Variants in SAMD5 observed in about 807,000 individuals in gnomAD.
SAMD5 encodes the protein sterile alpha motif domain-containing protein 5.
Under a neutral mutation model 11.3 loss-of-function variants are expected in SAMD5, and 13 were observed. That is an observed-to-expected ratio of 1.15 (90% CI 0.75 to 1.83). The LOEUF (loss-of-function observed/expected upper bound fraction) is 1.83, where lower values mean the gene tolerates loss of function less well. Among genes scored for constraint, SAMD5 ranks in the 40% most tolerant of loss-of-function variants. The pLI is 0.00. For synonymous variants in SAMD5, 129 were observed against 111.3 expected (o/e 1.16, Z -1.00); for missense variants, 255 against 239.1 (o/e 1.07, Z -0.44).
chr6:147,799,387 A>T, the SAMD5 span, among the ~76,000 whole-genome samples: 1 of 151,910 alleles, frequency 6.6e-6, no homozygotes, highest in African/African-American at 2.4e-5. Flanking sequence ...AAAAATGTTG[A>T]ATATTGGCCC....
At chr6:147,945,570 C>T in the SAMD5 span, among the ~76,000 whole-genome samples, 3 of 152,024 alleles carry the variant, frequency 2.0e-5, no homozygotes, top group Non-Finnish European at 4.4e-5. Context: ...GTAGAAAATC[C>T]TTCAGAAAAG....
the SAMD5 span, among the ~76,000 whole-genome samples, chr6:147,867,083 T>G: frequency 6.6e-6 from 1 of 152,118 alleles, no homozygotes; most frequent in Non-Finnish European, 1.5e-5. Context: ...AATCTCTCTA[T>G]CCAGATAAGA....
chr6:147,574,222 G>A (rs115959041), downstream of SAMD5, among the ~76,000 whole-genome samples: 2,079 of 151,768 alleles, frequency 0.014, 39 homozygotes, highest in African/African-American at 0.046. Context: ...AAATTAATAT[G>A]TGCCCAGGTT....
chr6:147,753,409 T>C, the SAMD5 span, among the ~76,000 whole-genome samples: 1 of 152,208 alleles, frequency 6.6e-6, no homozygotes, highest in Non-Finnish European at 1.5e-5. Context: ...TTCTCATTAG[T>C]ACAACATTAA....
the SAMD5 span, among the ~76,000 whole-genome samples, chr6:147,744,055 A>G: frequency 6.6e-6 from 1 of 152,232 alleles, no homozygotes; most frequent in African/African-American, 2.4e-5. Context: ...TAACTAATGT[A>G]TGGAATAGTC....
intron 1 of SAMD5, among the ~76,000 whole-genome samples, chr6:147,687,190 A>G (rs1226358814): frequency 6.6e-6 from 1 of 151,044 alleles, no homozygotes; most frequent in African/African-American, 2.4e-5. Context: ...ATTCATTTAG[A>G]TATATTCTCA....
chr6:147,933,523 T>C, the SAMD5 span, among the ~76,000 whole-genome samples: 1 of 152,164 alleles, frequency 6.6e-6, no homozygotes, highest in Non-Finnish European at 1.5e-5. Context: ...TTCTACTCTT[T>C]CTTTGCTGTA....
intron 1 of SAMD5, among the ~76,000 whole-genome samples, chr6:147,725,209 TG>T (rs1392007087): frequency 6.6e-6 from 1 of 152,120 alleles, no homozygotes; most frequent in African/African-American, 2.4e-5. Context: ...TTTAATCAGT[TG>T]GGGGAGATCT....
intron 1 of SAMD5, among the ~76,000 whole-genome samples, chr6:147,616,315 T>G (rs959428120): frequency 2.0e-5 from 3 of 147,536 alleles, no homozygotes; most frequent in African/African-American, 7.5e-5. Flanking sequence ...ATATATTTAT[T>G]CATATATACT....
intron 1 of SAMD5, among the ~76,000 whole-genome samples, chr6:147,732,688 T>C (rs2128460124): frequency 6.6e-6 from 1 of 152,330 alleles, no homozygotes. Flanking sequence ...ATACTATTTG[T>C]TCAAGGGTAT....
intron 1 of SAMD5, among the ~76,000 whole-genome samples, chr6:147,602,746 AAAACAAAC>A (rs1022847888): frequency 1.4e-5 from 2 of 144,648 alleles, no homozygotes; most frequent in Non-Finnish European, 3.0e-5. Context: ...TCTGTCTCAA[AAAACAAAC>A]AAACAAAGAA....
At chr6:147,647,014 T>TAAA (rs1554240088) in intron 1 of SAMD5, among the ~76,000 whole-genome samples, 86 of 128,562 alleles carry the variant, frequency 6.7e-4, no homozygotes, top group African/African-American at 2.3e-3. Context: ...ATAATAATAA[T>TAAA]AAAATAGCTG....
At chr6:147,874,404 A>AT in the SAMD5 span, among the ~76,000 whole-genome samples, 2 of 151,932 alleles carry the variant, frequency 1.3e-5, no homozygotes, top group African/African-American at 4.8e-5. Context: ...CTTTTCTTGG[A>AT]TTTTTTGTCA....
the SAMD5 span, among the ~76,000 whole-genome samples, chr6:147,787,575 G>A: frequency 6.6e-6 from 1 of 152,128 alleles, no homozygotes; most frequent in Non-Finnish European, 1.5e-5. Context: ...TCACTGACAG[G>A]TTTCTCAATC....
intron 1 of SAMD5, among the ~76,000 whole-genome samples, chr6:147,535,662 A>G (rs1375717961): frequency 6.6e-6 from 1 of 152,194 alleles, no homozygotes; most frequent in Non-Finnish European, 1.5e-5. Context: ...TAGGCTTTTT[A>G]AATTGGCTTT....
intron 1 of SAMD5, among the ~76,000 whole-genome samples, chr6:147,553,455 A>G (rs1322625214): frequency 6.6e-6 from 1 of 152,066 alleles, no homozygotes; most frequent in East Asian, 1.9e-4. Context: ...CAACTACCAA[A>G]TTGTTTTCTC....
chr6:147,886,166 T>C, the SAMD5 span, among the ~76,000 whole-genome samples: 1 of 152,188 alleles, frequency 6.6e-6, no homozygotes, highest in African/African-American at 2.4e-5. Flanking sequence ...TTATAATTTA[T>C]TGAAAATTAG....
intron 1 of SAMD5, among the ~76,000 whole-genome samples, chr6:147,527,934 G>C (rs1788369027): frequency 6.6e-6 from 1 of 152,112 alleles, no homozygotes; most frequent in South Asian, 2.1e-4. Context: ...ATGGTGGAAG[G>C]CAAAGCAGGA....
chr6:147,905,187 C>CA, the SAMD5 span, among the ~76,000 whole-genome samples: 1 of 150,618 alleles, frequency 6.6e-6, no homozygotes, highest in African/African-American at 2.4e-5. Context: ...TGCGCCCGGC[C>CA]TTTTTTTTTC....
Sources: gnomAD v4.1 joint callset for allele counts (sites outside exome capture counted in the v4.1 genomes callset) on GRCh38, gnomAD v4.1.1 for gene constraint, MANE v1.5 for transcripts, NCBI Gene and HGNC (gene_info 2026-07-23, HGNC 2026-07-21) for gene names.